ACSS3: variants seen among roughly 807,000 people sequenced by gnomAD.
The protein encoded by ACSS3 is acyl-CoA synthetase short chain family member 3, also known as acyl-CoA synthetase short-chain family member 3, mitochondrial.
ACSS3 carries 64 observed loss-of-function variants against 84.2 expected under a neutral mutation model. The ratio of observed to expected loss-of-function variants is 0.76; its 90% confidence interval spans 0.62 to 0.94. The LOEUF is 0.94. Ranked by LOEUF, ACSS3 falls within the 40% of genes least tolerant of loss-of-function variation. ACSS3 has a pLI of 0.00. For synonymous variants in ACSS3, 317 were observed against 310.1 expected (o/e 1.02, Z -0.23); for missense variants, 815 against 867.6 (o/e 0.94, Z 0.76).
chr12:81,143,127 CG>C lies in ACSS3; in HGVS notation c.803del (p.Gly268ValfsTer42). 6.2e-7 allele frequency: 1 copy of C among 1,612,478 alleles called. No homozygotes were observed. The highest frequency in any genetic ancestry group is 1.3e-5 in the African/African-American group (1 of 74,986). ...TGTAGGAGGCGGTTCCTTTGGCTCC[CG>C]GTCGTGACCTTGATTGGGATGAAGA... ...PNMEAVPLAP[G>X]RDLDWDEEMA... is the part of the protein sequence containing the mutation. On this transcript the variant is annotated frameshift_variant, in exon 5 of 16. Transcript: ENST00000548058. LOFTEE classifies it high-confidence loss of function.
intron 9 of ACSS3, among the ~76,000 whole-genome samples, chr12:81,214,643 G>A (rs112644929): frequency 9.2e-4 from 140 of 152,276 alleles, no homozygotes; most frequent in African/African-American, 3.0e-3. Flanking sequence ...GAAGGACAAC[G>A]CTTCATTAAT....
intron 7 of ACSS3, among the ~76,000 whole-genome samples, chr12:81,153,964 G>A (rs1886744635): frequency 6.6e-6 from 1 of 152,000 alleles, no homozygotes; most frequent in South Asian, 2.1e-4. Flanking sequence ...TTTATATCTT[G>A]CGGACTTGAT....
At position 81,135,044 on chromosome 12, in the gene ACSS3, A is replaced by G. The variant is rs752231203; in HGVS notation, c.645+40A>G. 12 of 1,491,404 alleles carry G rather than the reference A, an allele frequency of 8.0e-6. No homozygotes were observed. The East Asian group carries it at 2.1e-4, about 27-fold the overall frequency. The allele number at this position is 1,491,404 out of a possible 1,614,324, so 92.4% of individuals were successfully genotyped here. ...TTGGGAAATCAAGTAGTAGCTATGT[A>G]TAATTTAGTCATATTTATCTGTGGA... On this transcript the variant is annotated intron_variant, in intron 3 of 15. Coordinates refer to ENST00000548058, the MANE Select transcript of ACSS3 (RefSeq NM_024560.4).
intron 8 of ACSS3, among the ~76,000 whole-genome samples, chr12:81,184,261 T>C (rs914717277): frequency 6.6e-6 from 1 of 151,728 alleles, no homozygotes. Flanking sequence ...GGAAACACAG[T>C]ATACCAAAAC....
chr12:81,232,455 A>T (rs931434013), intron 12 of ACSS3, among the ~76,000 whole-genome samples: 1 of 151,794 alleles, frequency 6.6e-6, no homozygotes, highest in African/African-American at 2.4e-5. Flanking sequence ...AACTGAGATG[A>T]ACCAAAATAG....
intron 1 of ACSS3, among the ~76,000 whole-genome samples, chr12:81,085,623 G>A (rs189437646): frequency 6.8e-4 from 104 of 152,308 alleles, no homozygotes; most frequent in African/African-American, 2.3e-3. Context: ...GAACTGTTCC[G>A]AAGGCAGGTT....
At chr12:81,175,849 A>G (rs1291562795) in intron 8 of ACSS3, among the ~76,000 whole-genome samples, 2 of 152,232 alleles carry the variant, frequency 1.3e-5, no homozygotes, top group Non-Finnish European at 2.9e-5. Flanking sequence ...GGTCATAACT[A>G]ATGTAGTGAT....
intron 3 of ACSS3, among the ~76,000 whole-genome samples, chr12:81,137,331 A>T (rs1308443189): frequency 2.3e-4 from 30 of 128,714 alleles, no homozygotes; most frequent in Admixed American, 2.3e-3. Context: ...TCACACACAC[A>T]CACACACACA....
At position 81,215,062 on chromosome 12, in the gene ACSS3, C is replaced by T. The variant is rs575011063; in HGVS notation, c.1355-1839C>T. 1.1e-4 allele frequency among the ~76,000 whole-genome samples: 17 copies of T among 152,240 alleles called. No homozygotes were observed. In the South Asian group the frequency reaches 2.1e-3, roughly 19 times the overall value. ...CTGCTCTGGTCTCTCATATCCATTT[C>T]GAAGGATAGCTGAGGTGAGCACCTG... On this transcript the variant is annotated intron_variant, in intron 9 of 15. Transcript: ENST00000548058.
At chr12:81,103,265 A>G (rs1407984599) in intron 1 of ACSS3, among the ~76,000 whole-genome samples, 3 of 152,208 alleles carry the variant, frequency 2.0e-5, no homozygotes, top group African/African-American at 7.2e-5. Context: ...GTATATAGAA[A>G]GAATAGGAAA....
At chr12:81,217,732 A>G (rs1348004820) in intron 10 of ACSS3, among the ~76,000 whole-genome samples, 2 of 152,090 alleles carry the variant, frequency 1.3e-5, no homozygotes, top group Non-Finnish European at 2.9e-5. Flanking sequence ...AACCCCAGCT[A>G]CTTGGGAGGC....
intron 8 of ACSS3, among the ~76,000 whole-genome samples, chr12:81,194,463 G>A (rs990705980): frequency 6.6e-6 from 1 of 151,752 alleles, no homozygotes; most frequent in Non-Finnish European, 1.5e-5. Context: ...GAAGTCATCC[G>A]TAAAGTCTTT....
At chr12:81,230,023 G>T (rs963347785) in intron 11 of ACSS3, among the ~76,000 whole-genome samples, 7 of 151,788 alleles carry the variant, frequency 4.6e-5, no homozygotes, top group Non-Finnish European at 7.4e-5. Flanking sequence ...TGTCAGACCC[G>T]AAAATCCTGC....
intron 1 of ACSS3, among the ~76,000 whole-genome samples, chr12:81,089,822 T>G (rs1228245388): frequency 6.6e-6 from 1 of 152,022 alleles, no homozygotes; most frequent in Non-Finnish European, 1.5e-5. Context: ...ATATGTATAT[T>G]ATCTCTTTGA....
chr12:81,122,515 A>G (rs1884715085), intron 2 of ACSS3, among the ~76,000 whole-genome samples: 1 of 152,216 alleles, frequency 6.6e-6, no homozygotes, highest in Non-Finnish European at 1.5e-5. Flanking sequence ...TTATTATTGT[A>G]TAAACAAATA....
At chr12:81,098,386 C>T (rs1273390844) in intron 1 of ACSS3, among the ~76,000 whole-genome samples, 1 of 152,004 alleles carries the variant, frequency 6.6e-6, no homozygotes, top group African/African-American at 2.4e-5. Flanking sequence ...GTTTTGGGTC[C>T]TTATTTAGAA....
intron 9 of ACSS3, 21 bp downstream of exon 9, chr12:81,199,465 T>C: frequency 6.3e-7 from 1 of 1,595,510 alleles, no homozygotes. Context: ...TCCTAGCATG[T>C]ACATAAATAG....
intron 11 of ACSS3, 74 bp from the exon 12 acceptor site, chr12:81,230,983 A>G (rs1470500618): frequency 8.8e-7 from 1 of 1,142,554 alleles, no homozygotes; most frequent in East Asian, 2.4e-5. Context: ...TCACAGTAGA[A>G]AAATAATAGT....
intron 13 of ACSS3, among the ~76,000 whole-genome samples, chr12:81,245,243 C>T (rs547221184): frequency 1.1e-4 from 17 of 152,206 alleles, no homozygotes; most frequent in East Asian, 1.9e-4. Context: ...GGGTGGATCA[C>T]GAGGTCAGGA....
Sources: gnomAD v4.1 joint callset for allele counts (sites outside exome capture counted in the v4.1 genomes callset) on GRCh38, gnomAD v4.1.1 for gene constraint, MANE v1.5 for transcripts, NCBI Gene and HGNC (gene_info 2026-07-23, HGNC 2026-07-21) for gene names.